The following BRAF variants were observed in gnomAD, a reference collection of about 807,000 sequenced individuals.
BRAF encodes serine/threonine-protein kinase B-raf.
Under a neutral mutation model 104.6 loss-of-function variants are expected in BRAF, and 16 were observed. The ratio of observed to expected loss-of-function variants is 0.15; its 90% confidence interval spans 0.10 to 0.23. BRAF has a LOEUF of 0.23. Ranked by LOEUF, BRAF falls within the 10% of genes least tolerant of loss-of-function variation. The pLI, the probability that BRAF is intolerant of heterozygous loss-of-function variation, is 1.00. For missense variants in BRAF, 541 were observed against 937.3 expected, an observed-to-expected ratio of 0.58 and a Z score of 5.52; for synonymous variants, 310 against 341.6, an observed-to-expected ratio of 0.91 and a Z score of 1.02.
intron 3 of BRAF, chr7:140,822,581 T>C (rs1001447603): frequency 1.7e-4 from 26 of 152,238 alleles, no homozygotes; most frequent in African/African-American, 4.8e-4. Flanking sequence ...CATAATTACT[T>C]TGAGATTCAT....
the BRAF span, among the ~76,000 whole-genome samples, chr7:140,713,873 C>T: frequency 8.5e-5 from 13 of 152,206 alleles, no homozygotes; most frequent in African/African-American, 3.1e-4. Context: ...TAGAGGTCCA[C>T]TCCAGACCCT....
chr7:140,874,164 G>C (rs1469576960), intron 1 of BRAF, among the ~76,000 whole-genome samples: 3 of 151,008 alleles, frequency 2.0e-5, no homozygotes, highest in Non-Finnish European at 4.4e-5. Context: ...ACAAGGATCT[G>C]AATCATCATG....
chr7:140,796,894 A>G (rs963126442), intron 7 of BRAF, among the ~76,000 whole-genome samples: 1 of 152,222 alleles, frequency 6.6e-6, no homozygotes, highest in African/African-American at 2.4e-5. Flanking sequence ...TCTAATTTAC[A>G]TAACAGGTAT....
At chr7:140,893,017 A>G (rs994308238) in intron 1 of BRAF, among the ~76,000 whole-genome samples, 4 of 152,216 alleles carry the variant, frequency 2.6e-5, no homozygotes, top group Non-Finnish European at 5.9e-5. Context: ...TTTGATGTCC[A>G]ACTTCACTAT....
chr7:140,722,204 AG>A lies in BRAF; in HGVS notation c.*4289del. On this transcript the variant is annotated 3_prime_UTR_variant, in exon 20 of 20. Transcript: ENST00000644969. ...TGTGATAAATATATCTGACTATACT[AG>A]GGATTATGTGCTTTAAAAAAATAAT... 15 of 1,057,064 alleles carry A rather than the reference AG, an allele frequency of 1.4e-5. No individual in the cohort carries two copies. Among genetic ancestry groups the A allele is most frequent in the Middle Eastern group, 4.2e-4 (1 of 2,356 alleles). 65.5% of individuals were successfully genotyped at this position (1,057,064 alleles called of 1,614,324 possible).
intron 14 of BRAF, among the ~76,000 whole-genome samples, chr7:140,775,349 C>CTT (rs760401887): frequency 2.8e-5 from 4 of 141,950 alleles, no homozygotes; most frequent in Admixed American, 7.1e-5. Flanking sequence ...GATTTTAATT[C>CTT]TTTTTTTTTT....
chr7:140,882,290 G>C (rs759065599), intron 1 of BRAF, among the ~76,000 whole-genome samples: 9 of 151,704 alleles, frequency 5.9e-5, no homozygotes, highest in Non-Finnish European at 1.3e-4. Flanking sequence ...GTCCAAAACT[G>C]TGTGTCACTT....
rs145280828 is a variant in BRAF at position 140,865,583 on chromosome 7, T to C, written c.139-15371A>G. ...AAGGTATTAGTAATTTTTACAGTCATTTCATAATAGTATCTTGACCCTGAA... is the reference window on the plus strand; with the variant it reads ...AAGGTATTAGTAATTTTTACAGTCACTTCATAATAGTATCTTGACCCTGAA... On this transcript the variant is annotated intron_variant, in intron 1 of 19. Transcript: ENST00000644969. 3.3e-3 allele frequency among the ~76,000 whole-genome samples: 497 copies of C among 152,326 alleles called. 3 individuals carry two copies. The highest frequency in any genetic ancestry group is 0.011 in the African/African-American group (475 of 41,568).
intron 14 of BRAF, among the ~76,000 whole-genome samples, chr7:140,767,772 T>G (rs1158512359): frequency 6.6e-6 from 1 of 152,214 alleles, no homozygotes; most frequent in Admixed American, 6.5e-5. Flanking sequence ...CTGGGGCAAG[T>G]TACTTGCCCC....
intron 1 of BRAF, among the ~76,000 whole-genome samples, chr7:140,853,762 C>T (rs1181468992): frequency 6.6e-6 from 1 of 152,068 alleles, no homozygotes; most frequent in Non-Finnish European, 1.5e-5. Flanking sequence ...CTTCTATGCC[C>T]TTTGTTAATT....
chr7:140,787,244 T>C (rs1801466392), intron 9 of BRAF, among the ~76,000 whole-genome samples: 1 of 134,870 alleles, frequency 7.4e-6, no homozygotes, highest in Non-Finnish European at 1.5e-5. Context: ...GAGCTTGCAG[T>C]GAGCCGAGAT....
chr7:140,835,831 T>C (rs1287854472), intron 2 of BRAF: 5 of 152,164 alleles, frequency 3.3e-5, no homozygotes, highest in African/African-American at 1.2e-4. Flanking sequence ...CTACCTACCA[T>C]CTCAAATAGA....
chr7:140,857,451 G>C (rs1347716257), intron 1 of BRAF, among the ~76,000 whole-genome samples: 1 of 152,176 alleles, frequency 6.6e-6, no homozygotes, highest in East Asian at 1.9e-4. Context: ...CATTTGTGGT[G>C]TTGTAAGTGA....
At chr7:140,832,506 G>C (rs1806874985) in intron 3 of BRAF, among the ~76,000 whole-genome samples, 1 of 152,084 alleles carries the variant, frequency 6.6e-6, no homozygotes, top group African/African-American at 2.4e-5. Context: ...GTTAAGAAAA[G>C]GGTTAACAGA....
chr7:140,904,043 G>A (rs1200492310), intron 1 of BRAF, among the ~76,000 whole-genome samples: 1 of 152,210 alleles, frequency 6.6e-6, no homozygotes, highest in East Asian at 1.9e-4. Flanking sequence ...GACAGCAAAG[G>A]ATTTAGAATA....
At chr7:140,881,733 A>G (rs1417328834) in intron 1 of BRAF, among the ~76,000 whole-genome samples, 1 of 152,178 alleles carries the variant, frequency 6.6e-6, no homozygotes, top group Non-Finnish European at 1.5e-5. Flanking sequence ...TTTCACTTGA[A>G]TACTTAGAGG....
In BRAF at chr7:140,767,546, G is replaced by A. The variant is rs554449999; in HGVS notation, c.1814+9366C>T. ...TAAAGAGATGGCAAGCAATGTCATC[G>A]CTGATTTCTTGAAGAAGAGGTTTTA... On this transcript the variant is annotated intron_variant, in intron 14 of 19. Coordinates refer to ENST00000644969, the MANE Select transcript of BRAF (RefSeq NM_001374258.1). Among the ~76,000 whole-genome samples the A allele has an allele frequency of 1.4e-4, 21 of 152,250 alleles. No individual in the cohort carries two copies. In the South Asian group the frequency reaches 3.3e-3, roughly 24 times the overall value.
At position 140,722,835 on chromosome 7, in the gene BRAF, T is replaced by C; in HGVS notation, c.*3659A>G. On this transcript the variant is annotated 3_prime_UTR_variant, in exon 20 of 20. Transcript: ENST00000644969. ...TTAATTTCATGCAATTGACTCAAGG[T>C]TAAGATTCTGAAACGTACCCCTAAA... The C allele has an allele frequency of 9.5e-7, 1 of 1,053,136 alleles. No homozygotes were observed. The highest frequency in any genetic ancestry group is 1.1e-6 in the Non-Finnish European group (1 of 871,720). The allele number at this position is 1,053,136 out of a possible 1,614,324, so 65.2% of individuals were successfully genotyped here. A position where few individuals can be genotyped will look rare whatever the true frequency, so the allele number is the denominator to read the frequency against.
intron 1 of BRAF, among the ~76,000 whole-genome samples, chr7:140,901,259 T>C (rs919186839): frequency 6.6e-6 from 1 of 152,232 alleles, no homozygotes; most frequent in Non-Finnish European, 1.5e-5. Context: ...GTAGTCCCAG[T>C]ACTTAACCTG....
Sources: gnomAD v4.1 joint callset for allele counts (sites outside exome capture counted in the v4.1 genomes callset) on GRCh38, gnomAD v4.1.1 for gene constraint, MANE v1.5 for transcripts, NCBI Gene and HGNC (gene_info 2026-07-23, HGNC 2026-07-21) for gene names.